The following ST3GAL1 variants were observed in gnomAD, a reference collection of about 807,000 sequenced individuals.
The protein encoded by ST3GAL1 is ST3 beta-galactoside alpha-2,3-sialyltransferase 1.
A neutral mutation model predicts 34.1 loss-of-function variants in ST3GAL1; 16 were observed. The observed-to-expected ratio is 0.47, with a 90% confidence interval of 0.32 to 0.71. ST3GAL1 has a LOEUF of 0.71. Ranked by LOEUF, ST3GAL1 falls within the 30% of genes least tolerant of loss-of-function variation. ST3GAL1 has a pLI of 0.04. For missense variants in ST3GAL1, 353 were observed against 447.4 expected, an observed-to-expected ratio of 0.79 and a Z score of 1.90; for synonymous variants, 191 against 184.7, an observed-to-expected ratio of 1.03 and a Z score of -0.28.
intron 1 of ST3GAL1, among the ~76,000 whole-genome samples, chr8:133,550,948 C>T (rs946271442): frequency 1.3e-5 from 2 of 152,170 alleles, no homozygotes; most frequent in African/African-American, 4.8e-5. Context: ...AAGCTGGATA[C>T]CACTCCTGGA....
chr8:133,464,532 C>A (rs151082400), intron 7 of ST3GAL1, among the ~76,000 whole-genome samples: 2 of 152,194 alleles, frequency 1.3e-5, no homozygotes, highest in Non-Finnish European at 2.9e-5. Flanking sequence ...GTCTCCAGGG[C>A]GCGTGGAGGT....
Position 133,465,954 on chromosome 8 carries a change from G to A in ST3GAL1, c.443C>T (p.Ser148Leu), listed in dbSNP as rs1204594271. Residue 148 changes from serine (S) to leucine (L), a missense_variant, in exon 6 of 10, where the codon TCG becomes TTG. Transcript: ENST00000522652. ...ATAAGAAGACTCCCTCAGGTTGCCCGAGTTGCCCACAACGGCGCAGCGCCG... is the reference window on the plus strand; with the variant it reads ...ATAAGAAGACTCCCTCAGGTTGCCCAAGTTGCCCACAACGGCGCAGCGCCG... The part of the protein sequence containing the change: ...GCRRCAVVGN[S>L]GNLRESSYGP... 6 of 1,614,172 alleles carry A rather than the reference G, an allele frequency of 3.7e-6. No individual in the cohort carries two copies. Among genetic ancestry groups the A allele is most frequent in the Non-Finnish European group, 5.1e-6 (6 of 1,180,008 alleles).
intron 1 of ST3GAL1, chr8:133,567,371 A>G (rs1209563677): frequency 1.3e-5 from 2 of 152,204 alleles, no homozygotes; most frequent in African/African-American, 4.8e-5. Context: ...AAATCAAAAC[A>G]ACCCAACCAC....
At chr8:133,568,233 T>C (rs1385865460) in intron 1 of ST3GAL1, among the ~76,000 whole-genome samples, 2 of 152,130 alleles carry the variant, frequency 1.3e-5, no homozygotes, top group East Asian at 1.9e-4. Flanking sequence ...GCCTCTTATT[T>C]TGAGAGTGAA....
At position 133,566,376 on chromosome 8, in the gene ST3GAL1, T is replaced by TCCTCTGTCTCCCGTAG. The variant is rs549931390; in HGVS notation, c.-582+5301_-582+5316dup. The stretch of plus-strand genomic sequence containing the variant: ...CCAAAACTTCCTGCCTTCAGTCAAC[T>TCCTCTGTCTCCCGTAG]CCTCTGTCTCCCGTAGGCTCTGTCT... On this transcript the variant is annotated intron_variant, in intron 1 of 9. Transcript: ENST00000522652. 7.2e-5 allele frequency among the ~76,000 whole-genome samples: 11 copies of TCCTCTGTCTCCCGTAG among 152,308 alleles called. No individual in the cohort carries two copies. The East Asian group carries it at 2.1e-3, about 29-fold the overall frequency.
chr8:133,495,804 G>C (rs752292155), intron 3 of ST3GAL1, among the ~76,000 whole-genome samples: 1 of 152,182 alleles, frequency 6.6e-6, no homozygotes, highest in African/African-American at 2.4e-5. Context: ...ACACTTAGTG[G>C]GTGAAGGGGA....
intron 1 of ST3GAL1, among the ~76,000 whole-genome samples, chr8:133,551,784 AACAGATAACATT>A (rs1383918189): frequency 2.6e-5 from 4 of 152,236 alleles, no homozygotes; most frequent in African/African-American, 7.2e-5. Flanking sequence ...AAACTAGCAT[AACAGATAACATT>A]TTTTAAGTAC....
At chr8:133,540,744 GACATATATA>G (rs1818445792) in intron 2 of ST3GAL1, among the ~76,000 whole-genome samples, 1 of 107,706 alleles carries the variant, frequency 9.3e-6, no homozygotes, top group Non-Finnish European at 1.7e-5. Context: ...TATATATATA[GACATATATA>G]TATATATAGA....
At position 133,556,722 on chromosome 8, in the gene ST3GAL1, G is replaced by A. The variant is rs775460371; in HGVS notation, c.-581-10796C>T. Among the ~76,000 whole-genome samples, 11 of 152,310 alleles carry A rather than the reference G, an allele frequency of 7.2e-5. No individual in the cohort carries two copies. The highest frequency in any genetic ancestry group is 1.9e-4 in the East Asian group (1 of 5,184). On this transcript the variant is annotated intron_variant, in intron 1 of 9. Coordinates refer to ENST00000522652, the MANE Select transcript of ST3GAL1 (RefSeq NM_173344.3). The surrounding 1 kb of genome is among the most constrained non-coding windows in gnomAD (Gnocchi z 8.9). ...ATGGAAACCTTGCACCCAAGGACACGGCTGACATCATATAAAGTCTGTCCC... is the reference window on the plus strand; with the variant it reads ...ATGGAAACCTTGCACCCAAGGACACAGCTGACATCATATAAAGTCTGTCCC...
chr8:133,548,382 T>A (rs1818729980), intron 1 of ST3GAL1, among the ~76,000 whole-genome samples: 1 of 152,188 alleles, frequency 6.6e-6, no homozygotes, highest in Non-Finnish European at 1.5e-5. Context: ...CACAGAGACA[T>A]CTTCGCTGAC....
rs555516211 is a variant in ST3GAL1 at position 133,503,041 on chromosome 8, C to T, written c.-428-3852G>A. Among the ~76,000 whole-genome samples, 22 of 152,308 alleles carry T rather than the reference C, an allele frequency of 1.4e-4. 1 individual carries two copies. The South Asian group carries it at 2.1e-3, about 14-fold the overall frequency. ...TTAGAGGACAGCATGTCCTGGTTAG[C>T]GACTACCTTCACCCTGGACCTTAAA... On this transcript the variant is annotated intron_variant, in intron 2 of 9. Transcript: ENST00000522652.
At chr8:133,475,359 A>G (rs2737428) in intron 5 of ST3GAL1, among the ~76,000 whole-genome samples, 72,661 of 152,154 alleles carry the variant, frequency 0.48, 17,529 homozygotes, top group East Asian at 0.66. Flanking sequence ...CCAGAGCTGC[A>G]AGAGGATGCA....
chr8:133,487,419 T>C (rs922680970), intron 3 of ST3GAL1, among the ~76,000 whole-genome samples: 1 of 152,160 alleles, frequency 6.6e-6, no homozygotes, highest in African/African-American at 2.4e-5. Flanking sequence ...AATTCAGAAC[T>C]GCATATGTGT....
In ST3GAL1 at chr8:133,505,315, A is replaced by T. The variant is rs118155497; in HGVS notation, c.-428-6126T>A. Reference sequence around the variant, plus strand: ...AAGATAATGCCTCCCTCCAAGAGAGAAGTTGAGTAGGTTCACTTGCAGCCC... The same window carrying T: ...AAGATAATGCCTCCCTCCAAGAGAGTAGTTGAGTAGGTTCACTTGCAGCCC... On this transcript the variant is annotated intron_variant, in intron 2 of 9. Coordinates refer to ENST00000522652, the MANE Select transcript of ST3GAL1 (RefSeq NM_173344.3). Among the ~76,000 whole-genome samples the T allele has an allele frequency of 5.4e-3, 828 of 152,252 alleles. 5 individuals are homozygous for T. The highest frequency in any genetic ancestry group is 0.017 in the Middle Eastern group (5 of 294).
rs931258472 is a variant in ST3GAL1, at chr8:133,556,265, G to A, written c.-581-10339C>T. On this transcript the variant is annotated intron_variant, in intron 1 of 9. Transcript: ENST00000522652. The surrounding 1 kb of genome is among the most constrained non-coding windows in gnomAD (Gnocchi z 8.9). The stretch of plus-strand genomic sequence containing the variant: ...TGGTGTCACCCCCAGAGCACAAGGG[G>A]TAACACTAAGCTCGGACGTGGAAGT... Among the ~76,000 whole-genome samples the A allele has an allele frequency of 6.6e-6, 1 of 152,130 alleles. No homozygotes were observed. Among genetic ancestry groups the A allele is most frequent in the East Asian group, 1.9e-4 (1 of 5,186 alleles).
At chr8:133,551,618 G>GAAAGCA (rs1481293927) in intron 1 of ST3GAL1, among the ~76,000 whole-genome samples, 1 of 144,280 alleles carries the variant, frequency 6.9e-6, no homozygotes, top group African/African-American at 2.5e-5. Flanking sequence ...AAGAAAGAAA[G>GAAAGCA]AGCGAGCAAG....
At chr8:133,533,847 C>T (rs1296305148) in intron 2 of ST3GAL1, among the ~76,000 whole-genome samples, 4 of 152,208 alleles carry the variant, frequency 2.6e-5, no homozygotes, top group Non-Finnish European at 5.9e-5. Context: ...ATGCTAAAGG[C>T]AACACGGTGG....
At chr8:133,482,456 C>T (rs1816430517) in intron 3 of ST3GAL1, among the ~76,000 whole-genome samples, 1 of 152,208 alleles carries the variant, frequency 6.6e-6, no homozygotes, top group Non-Finnish European at 1.5e-5. Context: ...CAGCCAAGTG[C>T]ACAGATGGTG....
At chr8:133,533,664 C>T (rs963355142) in intron 2 of ST3GAL1, among the ~76,000 whole-genome samples, 6 of 152,198 alleles carry the variant, frequency 3.9e-5, no homozygotes, top group Admixed American at 1.3e-4. Context: ...TGCTCCCTGT[C>T]CCAGCCTCAA....
Sources: allele counts gnomAD v4.1 joint callset (sites outside exome capture counted in the v4.1 genomes callset), GRCh38; gene constraint gnomAD v4.1.1; non-coding constraint Gnocchi (gnomAD v3.1); transcripts MANE v1.5; gene names NCBI Gene and HGNC (gene_info 2026-07-23, HGNC 2026-07-21).